The following CYFIP2 variants were observed in gnomAD, a reference collection of about 807,000 sequenced individuals.
CYFIP2 encodes the protein cytoplasmic FMR1 interacting protein 2.
Under a neutral mutation model 158.7 loss-of-function variants are expected in CYFIP2, and 29 were observed. The observed-to-expected ratio is 0.18, with a 90% CI of 0.14 to 0.25. The LOEUF (loss-of-function observed/expected upper bound fraction) is 0.25. CYFIP2 is among the 10% of genes least tolerant of loss of function. The probability of loss-of-function intolerance (pLI) is 1.00; values close to 1 mark genes in which losing one functional copy is unlikely to be tolerated. For synonymous variants in CYFIP2, 585 were observed against 617.6 expected, an observed-to-expected ratio of 0.95 and a Z score of 0.78; for missense variants, 852 against 1,639.5, an observed-to-expected ratio of 0.52 and a Z score of 8.29.
At chr5:157,293,714 A>G (rs567733251) in intron 3 of CYFIP2, among the ~76,000 whole-genome samples, 1 of 152,230 alleles carries the variant, frequency 6.6e-6, no homozygotes, top group African/African-American at 2.4e-5. Context: ...CACTGCACAG[A>G]CAAAACCAAT....
intron 23 of CYFIP2, among the ~76,000 whole-genome samples, chr5:157,349,762 A>C (rs1216112885): frequency 6.6e-6 from 1 of 152,208 alleles, no homozygotes; most frequent in African/African-American, 2.4e-5. Context: ...TTTTCACCAC[A>C]TCCACGCCAA....
intron 26 of CYFIP2, among the ~76,000 whole-genome samples, chr5:157,370,084 T>A (rs1328748387): frequency 6.6e-6 from 1 of 152,150 alleles, no homozygotes; most frequent in Non-Finnish European, 1.5e-5. Flanking sequence ...TTTCACCCTG[T>A]TGGCCAGGCT....
At position 157,300,704 on chromosome 5, in the gene CYFIP2, T is replaced by A; in HGVS notation, c.388-11T>A. 1 of 1,569,702 alleles carries A rather than the reference T, an allele frequency of 6.4e-7. No homozygotes were observed. Among genetic ancestry groups the A allele is most frequent in the Non-Finnish European group, 8.6e-7 (1 of 1,156,094 alleles). On this transcript the variant is annotated splice_polypyrimidine_tract_variant and intron_variant, in intron 5 of 30. Transcript: ENST00000620254. ...CACAGTGGACCTTACTCACTGCCCC[T>A]CTGCCCCCAGCGCAAGGCCATCGAG... is the stretch of plus-strand genomic sequence containing the variant.
chr5:157,323,138 G>A (rs1224794139), intron 15 of CYFIP2: 2 of 946,014 alleles, frequency 2.1e-6, no homozygotes, highest in Non-Finnish European at 3.2e-6. Flanking sequence ...GATGTGGAGA[G>A]ATCTAGATTA....
intron 6 of CYFIP2, 29 bp downstream of exon 6, chr5:157,300,925 C>G (rs751405478): frequency 6.6e-7 from 1 of 1,518,380 alleles, no homozygotes; most frequent in African/African-American, 1.4e-5. Context: ...TCTCCCCTTT[C>G]CCCATCCAGG....
chr5:157,325,145 C>T (rs1054634447), intron 16 of CYFIP2, among the ~76,000 whole-genome samples: 13 of 151,998 alleles, frequency 8.6e-5, no homozygotes, highest in Admixed American at 3.9e-4. Flanking sequence ...CGGCCACGAG[C>T]GTACTTTTCA....
chr5:157,366,150 TG>T (rs946902409), intron 26 of CYFIP2, among the ~76,000 whole-genome samples: 7 of 152,140 alleles, frequency 4.6e-5, no homozygotes, highest in Admixed American at 2.0e-4. Context: ...ATAGCCATTC[TG>T]GGGGGGCTGT....
chr5:157,286,636 A>AACAC (rs1216318156), intron 2 of CYFIP2, among the ~76,000 whole-genome samples: 46 of 151,874 alleles, frequency 3.0e-4, no homozygotes, highest in Non-Finnish European at 6.2e-4. Flanking sequence ...TTAATCACAA[A>AACAC]AAACAGCCAC....
chr5:157,273,056 G>A (rs1438087740), intron 1 of CYFIP2, among the ~76,000 whole-genome samples: 3 of 152,040 alleles, frequency 2.0e-5, no homozygotes, highest in Non-Finnish European at 4.4e-5. Flanking sequence ...AGTGGAAATG[G>A]GGTTTCACCA....
In CYFIP2 at chr5:157,369,879, GT is replaced by G. The variant is rs1554120265; in HGVS notation, c.3039+8300del. ...AACAAAATCCTTGAGAATGGACCTAGTTTTTTTTTTTTTTTTTTTAAAGACA... is the reference window on the plus strand; with the variant it reads ...AACAAAATCCTTGAGAATGGACCTAGTTTTTTTTTTTTTTTTTTAAAGACA... On this transcript the variant is annotated intron_variant, in intron 26 of 30. Coordinates refer to ENST00000620254, the MANE Select transcript of CYFIP2 (RefSeq NM_001037333.3). Among the ~76,000 whole-genome samples the G allele has an allele frequency of 1.9e-3, 201 of 103,272 alleles. 2 individuals carry two copies. The highest frequency in any genetic ancestry group is 0.016 in the South Asian group (54 of 3,338). 67.8% of individuals were successfully genotyped at this position (103,272 alleles called of 152,430 possible).
chr5:157,288,362 G>T (rs1757557304), intron 3 of CYFIP2, among the ~76,000 whole-genome samples: 1 of 152,192 alleles, frequency 6.6e-6, no homozygotes, highest in Admixed American at 6.5e-5. Flanking sequence ...TTGCACTGGA[G>T]ATTTAAGTTT....
At chr5:157,369,885 T>TTTTTTTG (rs1764815038) in intron 26 of CYFIP2, among the ~76,000 whole-genome samples, 3 of 148,698 alleles carry the variant, frequency 2.0e-5, no homozygotes, top group African/African-American at 7.5e-5. Context: ...CCTAGTTTTT[T>TTTTTTTG]TTTTTTTTTT....
Position 157,275,225 on chromosome 5 carries a change from TTTG to T in CYFIP2, c.-24+9036_-24+9038del, listed in dbSNP as rs1362793471. Among the ~76,000 whole-genome samples, 3 of 152,230 alleles carry T rather than the reference TTTG, an allele frequency of 2.0e-5. No homozygotes were observed. The South Asian group carries it at 6.2e-4, about 31-fold the overall frequency. On this transcript the variant is annotated intron_variant, in intron 1 of 30. Coordinates refer to ENST00000620254, the MANE Select transcript of CYFIP2 (RefSeq NM_001037333.3). ...TATTTTTTATTTTGTTGCTTGTGTTTTTGTTGTTATTACATAATTCAAGGTCAC... is the reference window on the plus strand; with the variant it reads ...TATTTTTTATTTTGTTGCTTGTGTTTTTGTTATTACATAATTCAAGGTCAC...
chr5:157,310,414 C>G (rs1311724630), intron 10 of CYFIP2, among the ~76,000 whole-genome samples: 1 of 152,150 alleles, frequency 6.6e-6, no homozygotes, highest in Admixed American at 6.5e-5. Context: ...AAGTTATGGC[C>G]TCTCCACACA....
intron 6 of CYFIP2, among the ~76,000 whole-genome samples, chr5:157,302,335 A>G (rs1175951534): frequency 3.3e-5 from 5 of 152,180 alleles, no homozygotes; most frequent in Admixed American, 1.3e-4. Context: ...TTTCCATACA[A>G]TGCTTTGCTT....
intron 23 of CYFIP2, chr5:157,342,280 G>A (rs1390270312): frequency 2.6e-5 from 4 of 152,610 alleles, no homozygotes; most frequent in African/African-American, 4.8e-5. Context: ...CTTAAAAAAT[G>A]AGTCAATTTA....
intron 23 of CYFIP2, among the ~76,000 whole-genome samples, chr5:157,348,160 C>G (rs1299480413): frequency 6.6e-6 from 1 of 152,250 alleles, no homozygotes; most frequent in Non-Finnish European, 1.5e-5. Flanking sequence ...AGGAAATCAG[C>G]TAGGAGCAAG....
At position 157,373,589 on chromosome 5, in the gene CYFIP2, G is replaced by C. The variant is rs1765194198; in HGVS notation, c.3040-9001G>C. Among the ~76,000 whole-genome samples the C allele has an allele frequency of 3.3e-5, 5 of 152,152 alleles. No homozygotes were observed. The South Asian group carries it at 1.0e-3, about 31-fold the overall frequency. On this transcript the variant is annotated intron_variant, in intron 26 of 30. Transcript: ENST00000620254. ...ATCAAATAATTTTGAGGAGTAGGATGATCATTTTAAAAAGGATGTAGGATA... is the reference window on the plus strand; with the variant it reads ...ATCAAATAATTTTGAGGAGTAGGATCATCATTTTAAAAAGGATGTAGGATA...
rs887021968 is a variant in CYFIP2, at chr5:157,389,728, G to A, written c.3446+301G>A. On this transcript the variant is annotated intron_variant, in intron 29 of 30. Coordinates refer to ENST00000620254, the MANE Select transcript of CYFIP2 (RefSeq NM_001037333.3). ...TCTTCCTGCCCTCACCCAGCTACAT[G>A]TCTAGGACAGAGTGGAAAGGCAGAC... The A allele has an allele frequency of 5.7e-5, 14 of 244,792 alleles. 1 individual carries two copies. In the South Asian group the frequency reaches 7.3e-4, roughly 13 times the overall value. The allele number at this position is 244,792 out of a possible 1,614,324, so 15.2% of individuals were successfully genotyped here.
Sources: allele counts gnomAD v4.1 joint callset (sites outside exome capture counted in the v4.1 genomes callset), GRCh38; gene constraint gnomAD v4.1.1; transcripts MANE v1.5; gene names NCBI Gene and HGNC (gene_info 2026-07-23, HGNC 2026-07-21).